The following SLC30A10 variants were observed in gnomAD, a reference collection of about 807,000 sequenced individuals.
SLC30A10 encodes calcium/manganese antiporter SLC30A10.
Under a neutral mutation model 21.7 loss-of-function variants are expected in SLC30A10, and 8 were observed. That is an observed-to-expected ratio of 0.37 (90% CI 0.22 to 0.67). The LOEUF (loss-of-function observed/expected upper bound fraction) is 0.67, where lower values mean the gene tolerates loss of function less well. Ranked by LOEUF, SLC30A10 falls within the 30% of genes least tolerant of loss-of-function variation. The pLI, the probability that SLC30A10 is intolerant of heterozygous loss-of-function variation, is 0.58. For missense variants in SLC30A10, 521 were observed against 642.5 expected, an observed-to-expected ratio of 0.81 and a Z score of 2.04; for synonymous variants, 272 against 279.4, an observed-to-expected ratio of 0.97 and a Z score of 0.26.
chr1:219,927,919 C>A lies in SLC30A10; in HGVS notation c.522G>T (p.Glu174Asp). The A allele has an allele frequency of 6.5e-7, 1 of 1,537,622 alleles. No homozygotes were observed. Among genetic ancestry groups the A allele is most frequent in the South Asian group, 1.2e-5 (1 of 83,012 alleles). Residue 174 changes from glutamate (E) to aspartate (D), a missense_variant, in exon 1 of 4, where the codon GAG becomes GAT. By Grantham distance (45) the Glu-to-Asp change is conservative. Coordinates refer to ENST00000366926, the MANE Select transcript of SLC30A10 (RefSeq NM_018713.3). ...PGAFGGPQGAEDPRRAADPTA... is the reference protein window; with the variant it reads ...PGAFGGPQGADDPRRAADPTA... ...TCGGGTCCGCCGCGCGCCGCGGGTC[C>A]TCCGCGCCCTGAGGCCCCCCGAAAG...
At chr1:219,922,553 G>C (rs1041704425) in intron 2 of SLC30A10, among the ~76,000 whole-genome samples, 1 of 152,164 alleles carries the variant, frequency 6.6e-6, no homozygotes, top group African/African-American at 2.4e-5. Flanking sequence ...GGAGGCTGAC[G>C]TGCTAAATTT....
At chr1:219,925,255 C>T (rs775138003) in intron 2 of SLC30A10, among the ~76,000 whole-genome samples, 18 of 152,036 alleles carry the variant, frequency 1.2e-4, no homozygotes, top group African/African-American at 3.6e-4. Flanking sequence ...GATAGTTGGC[C>T]GGGTGCAGTG....
intron 2 of SLC30A10, among the ~76,000 whole-genome samples, chr1:219,925,862 T>C (rs981245146): frequency 3.3e-5 from 5 of 151,318 alleles, no homozygotes; most frequent in African/African-American, 7.3e-5. Flanking sequence ...GGTTTCACCA[T>C]GTTGGCCAGG....
upstream of SLC30A10, chr1:219,928,612 T>G: frequency 8.7e-5 from 47 of 540,666 alleles, no homozygotes; most frequent in Middle Eastern, 5.0e-4. This position sits in a 1 kb window ranked among gnomAD's most constrained non-coding sequence, Gnocchi z 6.3. Flanking sequence ...GCGCCACCAG[T>G]CCCCGCACGT....
At chr1:219,919,843 G>GA (rs1659636722) in intron 2 of SLC30A10, among the ~76,000 whole-genome samples, 1 of 150,908 alleles carries the variant, frequency 6.6e-6, no homozygotes. Context: ...CACTGCTCTA[G>GA]AAGAAAGCAT....
In SLC30A10 at chr1:219,949,104, A is replaced by T. The variant is rs1292364644; in HGVS notation, n.80+9464T>A. On this transcript the variant is annotated intron_variant and non_coding_transcript_variant, in intron 1 of 8. Transcript: ENST00000484239. ...GAATGGCAATCATTAAAAAGTCAGG[A>T]AACAACAGGTGCTGGAGAGGATGTG... Among the ~76,000 whole-genome samples the T allele has an allele frequency of 2.0e-5, 3 of 152,146 alleles. No individual in the cohort carries two copies. The East Asian group carries it at 5.8e-4, about 29-fold the overall frequency.
chr1:219,958,820 T>C (rs190206272), upstream of SLC30A10, among the ~76,000 whole-genome samples: 1 of 152,274 alleles, frequency 6.6e-6, no homozygotes, highest in African/African-American at 2.4e-5. Flanking sequence ...GTGCTCTTCT[T>C]GTGCTGTTTT....
chr1:219,935,054 G>A (rs1216027019), intron 1 of SLC30A10, among the ~76,000 whole-genome samples: 1 of 152,174 alleles, frequency 6.6e-6, no homozygotes, highest in Non-Finnish European at 1.5e-5. Flanking sequence ...ATCATTTACT[G>A]ATATCATTTG....
intron 1 of SLC30A10, among the ~76,000 whole-genome samples, chr1:219,949,356 C>A (rs1571813624): frequency 1.3e-5 from 2 of 152,064 alleles, no homozygotes; most frequent in East Asian, 3.9e-4. Context: ...TGGAACCAAC[C>A]CAAATGTCCA....
At chr1:219,958,902 G>T (rs987947747), upstream of SLC30A10, among the ~76,000 whole-genome samples, 1 of 152,160 alleles carries the variant, frequency 6.6e-6, no homozygotes, top group African/African-American at 2.4e-5. Flanking sequence ...CAAAAGCATC[G>T]GAGGCCAAGG....
chr1:219,956,722 T>C (rs1660360207), intron 1 of SLC30A10, among the ~76,000 whole-genome samples: 1 of 151,502 alleles, frequency 6.6e-6, no homozygotes, highest in African/African-American at 2.4e-5. Context: ...AGTGAAACAT[T>C]TGTCTTAAGC....
chr1:219,918,613 T>C lies in SLC30A10; in HGVS notation c.719-119A>G. On this transcript the variant is annotated intron_variant, in intron 2 of 3. Coordinates refer to ENST00000366926, the MANE Select transcript of SLC30A10 (RefSeq NM_018713.3). This position sits in a 1 kb window ranked among gnomAD's most constrained non-coding sequence, Gnocchi z 4.4. The stretch of plus-strand genomic sequence containing the variant: ...ACCATTTGGAGTTTTTTGGTTTTTG[T>C]TTTGGTTAGAACAGTAGGATGAATC... 7.4e-7 allele frequency: 1 copy of C among 1,357,382 alleles called. No individual in the cohort carries two copies. The highest frequency in any genetic ancestry group is 2.3e-5 in the East Asian group (1 of 42,558). 84.1% of individuals were successfully genotyped at this position (1,357,382 alleles called of 1,614,324 possible).
At chr1:219,953,341 A>C (rs888515320) in intron 1 of SLC30A10, among the ~76,000 whole-genome samples, 1 of 152,188 alleles carries the variant, frequency 6.6e-6, no homozygotes, top group Non-Finnish European at 1.5e-5. Context: ...TCATGCCTGT[A>C]ATCCCAGCAC....
At chr1:219,934,717 C>T (rs146710559) in intron 1 of SLC30A10, among the ~76,000 whole-genome samples, 4 of 152,230 alleles carry the variant, frequency 2.6e-5, no homozygotes, top group African/African-American at 7.2e-5. Context: ...ATGGCTAACA[C>T]CACTTTGAAT....
rs1484673710 is a variant in SLC30A10, at chr1:219,927,965, G to T, written c.476C>A (p.Ala159Glu). The T allele has an allele frequency of 1.9e-6, 3 of 1,546,532 alleles. No homozygotes were observed. In the South Asian group the frequency reaches 3.6e-5, roughly 18 times the overall value. Reference sequence around the variant, plus strand: ...GAAAGCGCCGGGGACACAGCCCTCCGCCAGCTGCTGCCGCTGCTGCAGGCG... The same window carrying T: ...GAAAGCGCCGGGGACACAGCCCTCCTCCAGCTGCTGCCGCTGCTGCAGGCG... ...SRRLQQRQQL[A>E]EGCVPGAFGG... Residue 159 changes from alanine (A) to glutamate (E), a missense_variant, in exon 1 of 4, where the codon GCG becomes GAG. Coordinates refer to ENST00000366926, the MANE Select transcript of SLC30A10 (RefSeq NM_018713.3).
At chr1:219,953,521 G>A (rs1660302020) in intron 1 of SLC30A10, among the ~76,000 whole-genome samples, 1 of 151,624 alleles carries the variant, frequency 6.6e-6, no homozygotes, top group African/African-American at 2.4e-5. Context: ...AGAATTGCTT[G>A]GACCAGGGAG....
intron 1 of SLC30A10, among the ~76,000 whole-genome samples, chr1:219,947,606 C>A (rs1006439987): frequency 6.6e-6 from 1 of 152,074 alleles, no homozygotes; most frequent in Non-Finnish European, 1.5e-5. Context: ...AGGACATGGA[C>A]TATGGAAAAC....
At position 219,927,871 on chromosome 1, in the gene SLC30A10, G is replaced by T; in HGVS notation, c.570C>A (p.Ala190=). The change falls in exon 1 of 4, where the codon GCC becomes GCA. Residue 190 remains alanine, a synonymous_variant. Coordinates refer to ENST00000366926, the MANE Select transcript of SLC30A10 (RefSeq NM_018713.3). ...CCACCGAGGTCCCCCGGAGGGTTAC[G>T]GCCGAGTCCGAGCCTGGGGCTGTCG... The part of the protein sequence containing the change: ...ADPTAPGSDS[A]VTLRGTSVER... The T allele has an allele frequency of 1.3e-6, 2 of 1,544,496 alleles. No individual in the cohort carries two copies. The highest frequency in any genetic ancestry group is 1.7e-6 in the Non-Finnish European group (2 of 1,145,360).
chr1:219,926,723 G>C (rs1354271871), intron 2 of SLC30A10, among the ~76,000 whole-genome samples: 1 of 152,194 alleles, frequency 6.6e-6, no homozygotes, highest in African/African-American at 2.4e-5. Flanking sequence ...TGGGTTGCAT[G>C]ATTTATTAGC....
Sources: allele counts gnomAD v4.1 joint callset (sites outside exome capture counted in the v4.1 genomes callset), GRCh38; gene constraint gnomAD v4.1.1; non-coding constraint Gnocchi (gnomAD v3.1); transcripts MANE v1.5; gene names NCBI Gene and HGNC (gene_info 2026-07-23, HGNC 2026-07-21).